EXOC6: variants seen among roughly 807,000 people sequenced by gnomAD.
The protein encoded by EXOC6 is SEC15-like 1.
In EXOC6, 60 loss-of-function variants were observed where a neutral mutation model predicts 112.5. The ratio of observed to expected loss-of-function variants is 0.53; its 90% CI spans 0.43 to 0.66. The LOEUF is 0.66. Among genes scored for constraint, EXOC6 ranks in the 30% least tolerant of loss-of-function variants. The pLI, the probability that EXOC6 is intolerant of heterozygous loss-of-function variation, is 0.00. For synonymous variants in EXOC6, 295 were observed against 308.0 expected (o/e 0.96, Z 0.44); for missense variants, 855 against 957.1 (o/e 0.89, Z 1.41).
chr10:92,967,548 C>T lies in EXOC6; in HGVS notation c.1774-6505C>T, dbSNP rs928827790. On this transcript the variant is annotated intron_variant, in intron 17 of 21. Transcript: ENST00000260762. ...ATTTAAATTTGGTTTTAATAAAATA[C>T]CCAGTTTTATATCAATCTAAAGTTA... is the stretch of plus-strand genomic sequence containing the variant. 5.3e-5 allele frequency among the ~76,000 whole-genome samples: 8 copies of T among 151,924 alleles called. No individual in the cohort carries two copies. In the South Asian group the frequency reaches 1.7e-3, roughly 32 times the overall value.
chr10:92,858,030 T>G lies in EXOC6; in HGVS notation c.101+9396T>G, dbSNP rs2422062. On this transcript the variant is annotated intron_variant, in intron 1 of 21. Transcript: ENST00000260762. ...ATTTTTAGTTGACGGGTTCCCCCCC[T>G]CCGCCGGCCAGCAGTTTGAATATGT... 1.1e-4 allele frequency among the ~76,000 whole-genome samples: 13 copies of G among 120,568 alleles called. 1 individual carries two copies. Among genetic ancestry groups the G allele is most frequent in the East Asian group, 6.2e-4 (1 of 1,602 alleles). The allele number at this position is 120,568 out of a possible 152,430, so 79.1% of individuals were successfully genotyped here. A position where few individuals can be genotyped will look rare whatever the true frequency, so the allele number is the denominator to read the frequency against.
intron 8 of EXOC6, among the ~76,000 whole-genome samples, chr10:92,927,098 T>C (rs1278749559): frequency 6.6e-6 from 1 of 152,234 alleles, no homozygotes; most frequent in African/African-American, 2.4e-5. Flanking sequence ...AAGTTTACTT[T>C]AGACAGCACT....
intron 1 of EXOC6, among the ~76,000 whole-genome samples, chr10:92,871,631 A>T (rs1848452497): frequency 6.6e-6 from 1 of 151,940 alleles, no homozygotes; most frequent in Non-Finnish European, 1.5e-5. Context: ...ACGTGATGAA[A>T]CCCTGTCTCT....
At chr10:93,022,407 G>T (rs1176995734) in intron 20 of EXOC6, among the ~76,000 whole-genome samples, 1 of 152,130 alleles carries the variant, frequency 6.6e-6, no homozygotes. Context: ...GGGATCAGTG[G>T]ATAGAAAATT....
chr10:92,881,027 T>C (rs1848936397), intron 1 of EXOC6, among the ~76,000 whole-genome samples: 1 of 152,150 alleles, frequency 6.6e-6, no homozygotes, highest in Admixed American at 6.6e-5. Flanking sequence ...CGTATGTGGT[T>C]GTAGTCAAAT....
At chr10:92,931,405 TATA>T (rs949146342) in intron 9 of EXOC6, among the ~76,000 whole-genome samples, 4 of 151,506 alleles carry the variant, frequency 2.6e-5, no homozygotes, top group Admixed American at 6.6e-5. Context: ...TTAGTTGACA[TATA>T]ATAATTGTAC....
rs555866008 is a variant in EXOC6 at position 92,836,575 on chromosome 10, AAC to A, written c.86+1756_86+1757del. ...ACTCCTTTCCAAAGGCTACTGTTAA[AAC>A]ACACTGATGTTATTTTGGGGGGTAG... On this transcript the variant is annotated intron_variant, in intron 1 of 21. Transcript: ENST00000371552. Among the ~76,000 whole-genome samples, 139 of 152,288 alleles carry A rather than the reference AAC, an allele frequency of 9.1e-4. 1 individual carries two copies. Among genetic ancestry groups the A allele is most frequent in the Non-Finnish European group, 1.6e-3 (107 of 68,022 alleles).
At chr10:92,904,173 G>A (rs57768338) in intron 5 of EXOC6, among the ~76,000 whole-genome samples, 1,618 of 152,056 alleles carry the variant, frequency 0.011, 32 homozygotes, top group African/African-American at 0.037. Flanking sequence ...ATACTACACT[G>A]TATGGATGAA....
chr10:92,895,298 A>G (rs1849689831), intron 4 of EXOC6, among the ~76,000 whole-genome samples: 1 of 143,134 alleles, frequency 7.0e-6, no homozygotes, highest in Non-Finnish European at 1.5e-5. Flanking sequence ...GTCCCCCATA[A>G]CCCTTTTTTG....
At chr10:92,876,984 G>T (rs772191400) in intron 1 of EXOC6, among the ~76,000 whole-genome samples, 1 of 152,082 alleles carries the variant, frequency 6.6e-6, no homozygotes, top group African/African-American at 2.4e-5. Flanking sequence ...AGAAGGGATG[G>T]TTCTTTTTAG....
chr10:92,851,861 A>G (rs2133631375), intron 1 of EXOC6, among the ~76,000 whole-genome samples: 1 of 152,252 alleles, frequency 6.6e-6, no homozygotes, highest in South Asian at 2.1e-4. Context: ...GCTTGAGCTC[A>G]GGCATACAAG....
At chr10:92,946,948 A>G (rs969621929) in intron 13 of EXOC6, among the ~76,000 whole-genome samples, 3 of 152,210 alleles carry the variant, frequency 2.0e-5, no homozygotes, top group Non-Finnish European at 4.4e-5. Flanking sequence ...TATGTATAGC[A>G]CAACATTATA....
At chr10:92,846,681 A>G (rs955850187), upstream of EXOC6, among the ~76,000 whole-genome samples, 1 of 152,170 alleles carries the variant, frequency 6.6e-6, no homozygotes, top group Non-Finnish European at 1.5e-5. Context: ...GATTAATAGG[A>G]AGGAGGGCAT....
chr10:92,896,189 T>A (rs1287249337), intron 4 of EXOC6, among the ~76,000 whole-genome samples: 151 of 13,802 alleles, frequency 0.011, no homozygotes, highest in Non-Finnish European at 0.013. Flanking sequence ...ATATTTTTTT[T>A]TTTTTTTTTT....
chr10:92,908,410 C>A (rs189510085), intron 5 of EXOC6, among the ~76,000 whole-genome samples: 1 of 152,032 alleles, frequency 6.6e-6, no homozygotes, highest in East Asian at 1.9e-4. Context: ...TATCAACTTA[C>A]TTTGTTTTGC....
At chr10:92,874,692 A>G (rs1018820949) in intron 1 of EXOC6, among the ~76,000 whole-genome samples, 3 of 152,192 alleles carry the variant, frequency 2.0e-5, no homozygotes, top group African/African-American at 4.8e-5. Context: ...ATAAATGGTG[A>G]AAGTTACTGA....
At chr10:92,993,260 T>C (rs1231609703) in intron 18 of EXOC6, among the ~76,000 whole-genome samples, 1 of 152,112 alleles carries the variant, frequency 6.6e-6, no homozygotes, top group Non-Finnish European at 1.5e-5. Context: ...TTCTTTTTAC[T>C]TAAGTAAAAA....
chr10:92,996,987 G>C (rs981530089), intron 18 of EXOC6, among the ~76,000 whole-genome samples: 8 of 152,018 alleles, frequency 5.3e-5, no homozygotes, highest in Middle Eastern at 3.4e-3. Context: ...TGATTCAAAG[G>C]GTATTTTGAA....
intron 18 of EXOC6, among the ~76,000 whole-genome samples, chr10:92,980,039 AG>A (rs1280738092): frequency 6.6e-6 from 1 of 152,188 alleles, no homozygotes; most frequent in Non-Finnish European, 1.5e-5. Context: ...TAGTATTGAT[AG>A]AAATAACAAA....
Sources: allele counts gnomAD v4.1 joint callset (sites outside exome capture counted in the v4.1 genomes callset), GRCh38; gene constraint gnomAD v4.1.1; transcripts MANE v1.5; gene names NCBI Gene and HGNC (gene_info 2026-07-23, HGNC 2026-07-21).